The following CTNNA3 variants were observed in gnomAD, a reference collection of about 807,000 sequenced individuals.
CTNNA3 encodes the protein catenin alpha 3.
In CTNNA3, 76 loss-of-function variants were observed where a neutral mutation model predicts 95.7. That is an observed-to-expected ratio of 0.79 (90% CI 0.66 to 0.96). The LOEUF (loss-of-function observed/expected upper bound fraction) is 0.96. Ranked by LOEUF, CTNNA3 falls within the 40% of genes least tolerant of loss-of-function variation. The probability of loss-of-function intolerance (pLI) is 0.00; values close to 1 mark genes in which losing one functional copy is unlikely to be tolerated. For missense variants in CTNNA3, 1,191 were observed against 1,089.8 expected (o/e 1.09, Z -1.31); for synonymous variants, 431 against 374.4 (o/e 1.15, Z -1.74).
chr10:65,938,479 A>G (rs2077377473), intron 17 of CTNNA3, among the ~76,000 whole-genome samples: 1 of 152,224 alleles, frequency 6.6e-6, no homozygotes, highest in South Asian at 2.1e-4. Context: ...AAATAAGTAT[A>G]TAGTGAGATG....
At chr10:67,337,171 G>T (rs1842025894) in intron 5 of CTNNA3, among the ~76,000 whole-genome samples, 1 of 152,166 alleles carries the variant, frequency 6.6e-6, no homozygotes, top group Admixed American at 6.5e-5. Context: ...CATTCTAGAT[G>T]CCATTAAGAG....
chr10:65,922,484 A>G (rs995230493), intron 17 of CTNNA3, among the ~76,000 whole-genome samples: 3 of 152,186 alleles, frequency 2.0e-5, no homozygotes, highest in Non-Finnish European at 4.4e-5. Context: ...TCATAACAAA[A>G]CATTTTTAAA....
intron 11 of CTNNA3, among the ~76,000 whole-genome samples, chr10:66,395,262 C>G (rs1330178028): frequency 1.3e-5 from 2 of 151,954 alleles, no homozygotes; most frequent in African/African-American, 4.8e-5. Flanking sequence ...ATTGTCAGAA[C>G]AGATCCCTCT....
intron 7 of CTNNA3, among the ~76,000 whole-genome samples, chr10:67,034,519 T>C (rs1853925553): frequency 6.6e-6 from 1 of 152,180 alleles, no homozygotes; most frequent in Admixed American, 6.5e-5. Flanking sequence ...CTGGGTATTG[T>C]CATCATTTCA....
intron 12 of CTNNA3, among the ~76,000 whole-genome samples, chr10:66,377,255 A>C (rs929162594): frequency 6.6e-6 from 1 of 152,122 alleles, no homozygotes; most frequent in African/African-American, 2.4e-5. Flanking sequence ...ATAATAACCC[A>C]GGATTATTTT....
chr10:67,110,391 A>G, intron 7 of CTNNA3, among the ~76,000 whole-genome samples: 1 of 152,102 alleles, frequency 6.6e-6, no homozygotes, highest in Non-Finnish European at 1.5e-5. Flanking sequence ...TTTTTATTTC[A>G]TGGGGCTCTG....
In CTNNA3 at chr10:67,448,674, C is replaced by A. The variant is rs1047758413; in HGVS notation, c.579+73168G>T. Reference sequence around the variant, plus strand: ...ATTTTATACTAAAAGAAATTCTATGCGAGTTGAAGAGTTAAGATGGAATCT... The same window carrying A: ...ATTTTATACTAAAAGAAATTCTATGAGAGTTGAAGAGTTAAGATGGAATCT... On this transcript the variant is annotated intron_variant, in intron 5 of 17. Coordinates refer to ENST00000433211, the MANE Select transcript of CTNNA3 (RefSeq NM_013266.4). 2.6e-5 allele frequency among the ~76,000 whole-genome samples: 4 copies of A among 151,148 alleles called. No homozygotes were observed. The South Asian group carries it at 8.3e-4, about 31-fold the overall frequency.
At chr10:66,402,877 G>A (rs1421142314) in intron 11 of CTNNA3, among the ~76,000 whole-genome samples, 1 of 152,110 alleles carries the variant, frequency 6.6e-6, no homozygotes, top group African/African-American at 2.4e-5. Flanking sequence ...GAAGACCTCA[G>A]ATAAGGGGAA....
intron 5 of CTNNA3, among the ~76,000 whole-genome samples, chr10:67,392,098 T>G (rs895302341): frequency 6.6e-6 from 1 of 152,074 alleles, no homozygotes; most frequent in African/African-American, 2.4e-5. Flanking sequence ...CAAAACAAAC[T>G]ACCATCAGAG....
rs368223783 is a variant in CTNNA3 at position 67,675,752 on chromosome 10, T to C, written c.-6+20248A>G. On this transcript the variant is annotated intron_variant, in intron 1 of 17. Transcript: ENST00000433211. ...GGGATGGATATAGGGAGCAAGAGGATTGGGAAACAACAATGCAATCCACTT... is the reference window on the plus strand; with the variant it reads ...GGGATGGATATAGGGAGCAAGAGGACTGGGAAACAACAATGCAATCCACTT... 1.4e-4 allele frequency among the ~76,000 whole-genome samples: 22 copies of C among 152,252 alleles called. No homozygotes were observed. The East Asian group carries it at 3.1e-3, about 21-fold the overall frequency.
At chr10:66,399,636 T>C (rs1245935330) in intron 11 of CTNNA3, among the ~76,000 whole-genome samples, 2 of 151,964 alleles carry the variant, frequency 1.3e-5, no homozygotes, top group South Asian at 2.1e-4. Flanking sequence ...AATTCCTTTG[T>C]TCCTTATCCT....
At chr10:65,954,164 G>T (rs930806655) in intron 17 of CTNNA3, among the ~76,000 whole-genome samples, 12 of 152,282 alleles carry the variant, frequency 7.9e-5, no homozygotes, top group Non-Finnish European at 1.3e-4. Flanking sequence ...TCATGTGTCT[G>T]TTGGCTGCAT....
At chr10:66,860,833 T>C (rs568506576) in intron 7 of CTNNA3, among the ~76,000 whole-genome samples, 8 of 152,204 alleles carry the variant, frequency 5.3e-5, no homozygotes, top group Non-Finnish European at 8.8e-5. Context: ...TTCAAACTCA[T>C]ATATGCCTCA....
At chr10:67,714,590 A>G (rs949456327) in intron 1 of CTNNA3, among the ~76,000 whole-genome samples, 2 of 152,166 alleles carry the variant, frequency 1.3e-5, no homozygotes, top group African/African-American at 4.8e-5. Flanking sequence ...GAGACTTTTG[A>G]CTGTGGACTT....
At chr10:66,404,201 T>C (rs756626568) in intron 11 of CTNNA3, among the ~76,000 whole-genome samples, 9 of 152,154 alleles carry the variant, frequency 5.9e-5, no homozygotes, top group Non-Finnish European at 1.3e-4. Flanking sequence ...TACACCTTTA[T>C]GATTTTATCC....
At chr10:66,793,595 C>T (rs1226554634) in intron 7 of CTNNA3, among the ~76,000 whole-genome samples, 1 of 152,016 alleles carries the variant, frequency 6.6e-6, no homozygotes, top group East Asian at 1.9e-4. Flanking sequence ...AGTTTAGTAG[C>T]CACTCTGAAA....
chr10:66,463,167 C>T (rs67167833), intron 11 of CTNNA3, among the ~76,000 whole-genome samples: 16,292 of 152,064 alleles, frequency 0.11, 1,178 homozygotes, highest in African/African-American at 0.21. Context: ...ATTTGATGTC[C>T]AATGTTGGAG....
At chr10:67,370,481 C>T (rs1033846413) in intron 5 of CTNNA3, among the ~76,000 whole-genome samples, 1 of 152,144 alleles carries the variant, frequency 6.6e-6, no homozygotes, top group Non-Finnish European at 1.5e-5. Context: ...CAAGTACTTG[C>T]AGGCATGTGT....
chr10:66,693,832 G>C (rs1847654941), intron 9 of CTNNA3, among the ~76,000 whole-genome samples: 1 of 152,034 alleles, frequency 6.6e-6, no homozygotes, highest in African/African-American at 2.4e-5. Context: ...CAACTACATG[G>C]AAACTGAACA....
Sources: allele counts gnomAD v4.1 joint callset (sites outside exome capture counted in the v4.1 genomes callset), GRCh38; gene constraint gnomAD v4.1.1; transcripts MANE v1.5; gene names NCBI Gene and HGNC (gene_info 2026-07-23, HGNC 2026-07-21).